The following OSBP2 variants were observed in gnomAD, a reference collection of about 807,000 sequenced individuals.
OSBP2 encodes the protein oxysterol-binding protein 2.
OSBP2 carries 66 observed loss-of-function variants against 96.0 expected under a neutral mutation model. That is an observed-to-expected ratio of 0.69 (90% CI 0.56 to 0.84). The LOEUF is 0.84. Among genes scored for constraint, OSBP2 ranks in the 40% least tolerant of loss-of-function variants. The pLI is 0.00. For missense variants in OSBP2, 1,038 were observed against 1,222.7 expected (o/e 0.85, Z 2.25); for synonymous variants, 525 against 520.9 (o/e 1.01, Z -0.11).
At chr22:30,728,052 C>T (rs12160936) in intron 1 of OSBP2, among the ~76,000 whole-genome samples, 3,481 of 150,106 alleles carry the variant, frequency 0.023, 134 homozygotes, top group African/African-American at 0.08. Flanking sequence ...TGCCATGAGC[C>T]GAGATCACAC....
At chr22:30,744,647 G>C (rs2089976763) in intron 2 of OSBP2, among the ~76,000 whole-genome samples, 1 of 152,102 alleles carries the variant, frequency 6.6e-6, no homozygotes, top group Non-Finnish European at 1.5e-5. Flanking sequence ...TGTAGTCCCA[G>C]CTACTTGGGA....
chr22:30,694,258 T>C (rs558578607), upstream of OSBP2: 1,037 of 1,549,858 alleles, frequency 6.7e-4, 2 homozygotes, highest in Non-Finnish European at 8.2e-4. Flanking sequence ...GCATGAACCG[T>C]AGGCCAGCTG....
At chr22:30,778,977 A>AG (rs1187751171) in intron 2 of OSBP2, among the ~76,000 whole-genome samples, 1 of 149,376 alleles carries the variant, frequency 6.7e-6, no homozygotes, top group African/African-American at 2.4e-5. Flanking sequence ...CAGAGGTTGC[A>AG]GTGAGCCGAG....
At chr22:30,809,123 C>A (rs1458288547) in intron 2 of OSBP2, among the ~76,000 whole-genome samples, 1 of 152,152 alleles carries the variant, frequency 6.6e-6, no homozygotes, top group Non-Finnish European at 1.5e-5. Flanking sequence ...AAGGATTCTC[C>A]CCTAGAGCCT....
chr22:30,879,319 G>T (rs957261451), intron 3 of OSBP2, among the ~76,000 whole-genome samples: 11 of 152,244 alleles, frequency 7.2e-5, no homozygotes, highest in African/African-American at 2.7e-4. Flanking sequence ...TCTAAAATCA[G>T]TTGGCAAACT....
chr22:30,806,039 GC>G (rs898845297), intron 2 of OSBP2, among the ~76,000 whole-genome samples: 6 of 152,202 alleles, frequency 3.9e-5, no homozygotes, highest in Admixed American at 3.9e-4. Context: ...GGTAATAGCA[GC>G]TAAAATGGGA....
chr22:30,893,424 A>AT, intron 9 of OSBP2, 39 bp from the exon 10 acceptor site: 1 of 1,574,968 alleles, frequency 6.3e-7, no homozygotes, highest in Non-Finnish European at 8.7e-7. Flanking sequence ...AGAGCCCTGC[A>AT]TGGGGGGGCA....
At chr22:30,811,051 C>T (rs1247456881) in intron 2 of OSBP2, among the ~76,000 whole-genome samples, 1 of 152,118 alleles carries the variant, frequency 6.6e-6, no homozygotes, top group Non-Finnish European at 1.5e-5. Context: ...AGTCATCTTT[C>T]ATGACCCCTC....
At chr22:30,791,392 T>TCTCGGCTCACTGCAAC (rs2090673094) in intron 2 of OSBP2, among the ~76,000 whole-genome samples, 1 of 146,930 alleles carries the variant, frequency 6.8e-6, no homozygotes, top group Admixed American at 6.9e-5. Flanking sequence ...AGTTGTGTGA[T>TCTCGGCTCACTGCAAC]CTCGGCTCAC....
intron 2 of OSBP2, among the ~76,000 whole-genome samples, chr22:30,825,343 C>G (rs758920291): frequency 4.6e-5 from 7 of 152,162 alleles, no homozygotes; most frequent in Admixed American, 2.6e-4. Flanking sequence ...CAAAAATTAG[C>G]CCAGCATGGT....
chr22:30,859,110 T>C (rs909597115), intron 2 of OSBP2, among the ~76,000 whole-genome samples: 20 of 152,002 alleles, frequency 1.3e-4, no homozygotes, highest in Admixed American at 1.2e-3. Flanking sequence ...CGCTCCAGCA[T>C]TGATACCTAG....
chr22:30,782,665 G>C (rs2090533599), intron 2 of OSBP2, among the ~76,000 whole-genome samples: 2 of 152,170 alleles, frequency 1.3e-5, no homozygotes, highest in East Asian at 3.8e-4. Flanking sequence ...TTTATCTGTT[G>C]CCTGTGGATG....
chr22:30,867,325 C>T (rs1205775850), intron 2 of OSBP2, among the ~76,000 whole-genome samples: 1 of 152,206 alleles, frequency 6.6e-6, no homozygotes, highest in African/African-American at 2.4e-5. Context: ...GGCCCCTTAC[C>T]TTCTCCCCTT....
At chr22:30,742,574 G>A (rs1569105628) in intron 2 of OSBP2, among the ~76,000 whole-genome samples, 2 of 152,140 alleles carry the variant, frequency 1.3e-5, no homozygotes, top group Middle Eastern at 3.2e-3. Flanking sequence ...ATTCAAATAG[G>A]TACTTATTTC....
intron 2 of OSBP2, among the ~76,000 whole-genome samples, chr22:30,807,789 C>CT (rs372693719): frequency 0.023 from 3,493 of 151,996 alleles, 118 homozygotes; most frequent in African/African-American, 0.078. Flanking sequence ...CCAGCTGGGT[C>CT]TTTTTTTTGT....
intron 2 of OSBP2, among the ~76,000 whole-genome samples, chr22:30,747,801 T>C (rs1410600890): frequency 6.6e-6 from 1 of 152,228 alleles, no homozygotes; most frequent in Non-Finnish European, 1.5e-5. Context: ...CGAAGTACTT[T>C]AAGCTGTTCC....
intron 2 of OSBP2, among the ~76,000 whole-genome samples, chr22:30,866,935 G>A (rs1342123198): frequency 6.6e-6 from 1 of 152,208 alleles, no homozygotes; most frequent in Non-Finnish European, 1.5e-5. Flanking sequence ...TTGTTCAGCT[G>A]TGCCTCTGCC....
At chr22:30,720,891 C>A (rs977960202) in intron 1 of OSBP2, among the ~76,000 whole-genome samples, 1 of 152,022 alleles carries the variant, frequency 6.6e-6, no homozygotes, top group Non-Finnish European at 1.5e-5. Context: ...TGTGGGAGAC[C>A]CTTCTCTGCT....
chr22:30,760,245 G>A lies in OSBP2; in HGVS notation c.853+18876G>A, dbSNP rs555869380. ...ACTCCTGACCTCAAGTGATCTGCTC[G>A]CCTTGGCCTCCCAAAGTGCTAGGAT... On this transcript the variant is annotated intron_variant, in intron 2 of 13. Transcript: ENST00000332585. Among the ~76,000 whole-genome samples, 222 of 150,522 alleles carry A rather than the reference G, an allele frequency of 1.5e-3. 1 individual carries two copies. The highest frequency in any genetic ancestry group is 2.6e-3 in the Non-Finnish European group (174 of 67,854).
Sources: allele counts gnomAD v4.1 joint callset (sites outside exome capture counted in the v4.1 genomes callset), GRCh38; gene constraint gnomAD v4.1.1; transcripts MANE v1.5; gene names NCBI Gene and HGNC (gene_info 2026-07-23, HGNC 2026-07-21).